The following RPH3AL variants were observed in gnomAD, a reference collection of about 807,000 sequenced individuals.
The protein encoded by RPH3AL is rabphilin 3A like (without C2 domains).
In RPH3AL, 38 loss-of-function variants were observed where a neutral mutation model predicts 43.1. The observed-to-expected ratio is 0.88, with a 90% CI of 0.68 to 1.15. The LOEUF (loss-of-function observed/expected upper bound fraction) is 1.15. Ranked by LOEUF, RPH3AL falls within the 50% of genes most tolerant of loss-of-function variation. The pLI is 0.00. For synonymous variants in RPH3AL, 189 were observed against 176.3 expected (o/e 1.07, Z -0.57); for missense variants, 462 against 423.2 (o/e 1.09, Z -0.81).
intron 1 of RPH3AL, among the ~76,000 whole-genome samples, chr17:348,319 G>T (rs1225801876): frequency 3.9e-5 from 6 of 152,238 alleles, no homozygotes; most frequent in Non-Finnish European, 5.9e-5. Flanking sequence ...CTTACACATT[G>T]GTTGAAGTCC....
At chr17:324,662 C>T (rs2044567264) in intron 3 of RPH3AL, among the ~76,000 whole-genome samples, 1 of 147,038 alleles carries the variant, frequency 6.8e-6, no homozygotes, top group African/African-American at 2.5e-5. Context: ...CCTCTCACTC[C>T]TATTCTTTCT....
Position 283,853 on chromosome 17 carries a change from G to A in RPH3AL, c.352-1999C>T, listed in dbSNP as rs563206429. 1.1e-4 allele frequency among the ~76,000 whole-genome samples: 16 copies of A among 152,012 alleles called. No individual in the cohort carries two copies. The highest frequency in any genetic ancestry group is 3.1e-4 in the African/African-American group (13 of 41,344). The stretch of plus-strand genomic sequence containing the variant: ...CCTCTCTCCACCTCTTCCACCCTTC[G>A]CTCCTAATGTTCCCACCTCTACAAC... On this transcript the variant is annotated intron_variant, in intron 5 of 9. Coordinates refer to ENST00000331302, the MANE Select transcript of RPH3AL (RefSeq NM_006987.4). This position sits in a 1 kb window ranked among gnomAD's most constrained non-coding sequence, Gnocchi z 4.2.
chr17:281,005 C>G (rs895846747), intron 6 of RPH3AL, among the ~76,000 whole-genome samples: 1 of 152,200 alleles, frequency 6.6e-6, no homozygotes, highest in Non-Finnish European at 1.5e-5. Flanking sequence ...TCTGTCCCAG[C>G]CCTGCCTCCC....
At position 323,140 on chromosome 17, in the gene RPH3AL, C is replaced by T. The variant is rs1473488519; in HGVS notation, c.78-1725G>A. ...TGAGCTTTTGCAGGATGAACAGGTG[C>T]TTCCCCATGGAAGGAGGGAGGCGGG... On this transcript the variant is annotated intron_variant, in intron 3 of 9. Coordinates refer to ENST00000331302, the MANE Select transcript of RPH3AL (RefSeq NM_006987.4). This position sits in a 1 kb window ranked among gnomAD's most constrained non-coding sequence, Gnocchi z 4.4. 6.6e-6 allele frequency among the ~76,000 whole-genome samples: 1 copy of T among 152,054 alleles called. No homozygotes were observed. The highest frequency in any genetic ancestry group is 6.6e-5 in the Admixed American group (1 of 15,264).
intron 6 of RPH3AL, among the ~76,000 whole-genome samples, chr17:249,579 G>A (rs1300962561): frequency 6.7e-6 from 1 of 149,474 alleles, no homozygotes; most frequent in African/African-American, 2.5e-5. Context: ...TTCAAAACCA[G>A]AAGACCAGAA....
chr17:333,082 G>A lies in RPH3AL; in HGVS notation c.-37+677C>T, dbSNP rs1567531888. On this transcript the variant is annotated intron_variant, in intron 2 of 9. Transcript: ENST00000331302. This position sits in a 1 kb window ranked among gnomAD's most constrained non-coding sequence, Gnocchi z 4.5. ...AGGATGCAATTCTCTCTCTAAAGTC[G>A]AGAGCTCACCACCCCGGGCGTTCGT... 7.8e-6 allele frequency: 10 copies of A among 1,286,738 alleles called. No individual in the cohort carries two copies. The highest frequency in any genetic ancestry group is 6.9e-5 in the Admixed American group (3 of 43,400). 79.7% of individuals were successfully genotyped at this position (1,286,738 alleles called of 1,614,324 possible).
chr17:335,625 TC>T (rs2044933120), intron 1 of RPH3AL: 1 of 152,074 alleles, frequency 6.6e-6, no homozygotes, highest in Non-Finnish European at 1.5e-5. Flanking sequence ...GCTGATAAAA[TC>T]CCAACCCTGA....
intron 7 of RPH3AL, among the ~76,000 whole-genome samples, chr17:243,580 C>T (rs982536938): frequency 7.3e-6 from 1 of 137,914 alleles, no homozygotes; most frequent in African/African-American, 3.0e-5. Flanking sequence ...TACTGATTAC[C>T]CTTCCTCTAT....
In RPH3AL at chr17:319,409, CAGGGTCTT is replaced by C. The variant is rs764754742; in HGVS notation, c.351+3_351+10del. The C allele has an allele frequency of 6.2e-7, 1 of 1,610,468 alleles. No individual in the cohort carries two copies. The highest frequency in any genetic ancestry group is 1.1e-5 in the South Asian group (1 of 90,560). On this transcript the variant is annotated splice_donor_5th_base_variant and intron_variant, in intron 5 of 9. Coordinates refer to ENST00000331302, the MANE Select transcript of RPH3AL (RefSeq NM_006987.4). ...GGAAGCCAGAATGACAGGGCCAGAG[CAGGGTCTT>C]ACCTTCCTGCAGTCTTTGCAGAACA...
At chr17:262,400 G>C (rs1426399394) in intron 6 of RPH3AL, among the ~76,000 whole-genome samples, 2 of 152,162 alleles carry the variant, frequency 1.3e-5, no homozygotes, top group African/African-American at 2.4e-5. Flanking sequence ...ATTTTTAGTA[G>C]AGACGGGGTT....
In RPH3AL at chr17:290,363, G is replaced by C. The variant is rs1045115295; in HGVS notation, c.352-8509C>G. ...AAACCCAGGCTGGCCCGGCCACAGG[G>C]GAAATGACTCCGGGAATCCTTCACT... On this transcript the variant is annotated intron_variant, in intron 5 of 9. Coordinates refer to ENST00000331302, the MANE Select transcript of RPH3AL (RefSeq NM_006987.4). This position sits in a 1 kb window ranked among gnomAD's most constrained non-coding sequence, Gnocchi z 4.2. Among the ~76,000 whole-genome samples, 5 of 151,824 alleles carry C rather than the reference G, an allele frequency of 3.3e-5. No individual in the cohort carries two copies. The highest frequency in any genetic ancestry group is 1.3e-4 in the Admixed American group (2 of 15,260).
intron 3 of RPH3AL, among the ~76,000 whole-genome samples, chr17:327,000 A>C (rs1467515702): frequency 6.6e-6 from 1 of 152,238 alleles, no homozygotes; most frequent in Non-Finnish European, 1.5e-5. Context: ...CGTCCACTGC[A>C]ACAGACTTTT....
chr17:317,787 C>A (rs2044332716), intron 5 of RPH3AL, among the ~76,000 whole-genome samples: 1 of 152,166 alleles, frequency 6.6e-6, no homozygotes, highest in African/African-American at 2.4e-5. Flanking sequence ...TTTTCTCATC[C>A]AGCTTTTGAA....
At chr17:293,639 A>T (rs1483620654) in intron 5 of RPH3AL, among the ~76,000 whole-genome samples, 1 of 152,186 alleles carries the variant, frequency 6.6e-6, no homozygotes, top group East Asian at 1.9e-4. Context: ...AGGGCCGTGC[A>T]GCACCGGTGA....
rs189817449 is a variant in RPH3AL at position 222,500 on chromosome 17, A to C, written c.614-2764T>G. On this transcript the variant is annotated intron_variant, in intron 7 of 9. Transcript: ENST00000331302. ...AGGTGAGGATGTTGTCACAGTGAACATGCACTGTGGGAGAAACTCTCTTTT... is the reference window on the plus strand; with the variant it reads ...AGGTGAGGATGTTGTCACAGTGAACCTGCACTGTGGGAGAAACTCTCTTTT... Among the ~76,000 whole-genome samples, 72 of 152,338 alleles carry C rather than the reference A, an allele frequency of 4.7e-4. 1 individual carries two copies. Among genetic ancestry groups the C allele is most frequent in the Admixed American group, 1.6e-3 (24 of 15,304 alleles).
chr17:243,816 T>A (rs576003996), intron 7 of RPH3AL, among the ~76,000 whole-genome samples: 1 of 151,030 alleles, frequency 6.6e-6, no homozygotes, highest in African/African-American at 2.4e-5. Context: ...GCCCCTCTAC[T>A]GATTACCCTT....
intron 6 of RPH3AL, among the ~76,000 whole-genome samples, chr17:272,787 C>CACA: frequency 6.6e-6 from 1 of 151,314 alleles, no homozygotes; most frequent in East Asian, 2.0e-4. Flanking sequence ...CACACACACA[C>CACA]ACCAAAAAAC....
intron 7 of RPH3AL, among the ~76,000 whole-genome samples, chr17:242,963 A>ATTGACTACCTTCCTCTC (rs1555537765): frequency 8.2e-5 from 11 of 134,208 alleles, no homozygotes; most frequent in African/African-American, 2.8e-4. Flanking sequence ...ACCTTCCTCT[A>ATTGACTACCTTCCTCTC]TTGACTACCT....
At chr17:312,545 C>T (rs960864346) in intron 5 of RPH3AL, among the ~76,000 whole-genome samples, 1 of 152,210 alleles carries the variant, frequency 6.6e-6, no homozygotes, top group African/African-American at 2.4e-5. Flanking sequence ...GGGAGTCACT[C>T]AGCCTCTTCT....
Sources: gnomAD v4.1 joint callset for allele counts (sites outside exome capture counted in the v4.1 genomes callset) on GRCh38, gnomAD v4.1.1 for gene constraint, Gnocchi (gnomAD v3.1) non-coding constraint, MANE v1.5 for transcripts, NCBI Gene and HGNC (gene_info 2026-07-23, HGNC 2026-07-21) for gene names.